The following GPHN variants were observed in gnomAD, a reference collection of about 807,000 sequenced individuals.
GPHN encodes gephyrin.
Under a neutral mutation model 95.5 loss-of-function variants are expected in GPHN, and 17 were observed. The observed-to-expected ratio is 0.18, with a 90% CI of 0.12 to 0.27. The LOEUF (loss-of-function observed/expected upper bound fraction) is 0.27, where lower values mean the gene tolerates loss of function less well. Among genes scored for constraint, GPHN ranks in the 10% least tolerant of loss-of-function variants. The pLI, the probability that GPHN is intolerant of heterozygous loss-of-function variation, is 1.00. For synonymous variants in GPHN, 320 were observed against 322.5 expected (o/e 0.99, Z 0.08); for missense variants, 660 against 978.1 (o/e 0.67, Z 4.34).
chr14:67,340,424 G>A, the GPHN span: 10 of 1,606,998 alleles, frequency 6.2e-6, no homozygotes, highest in Admixed American at 1.0e-4. Flanking sequence ...ATCAATAACT[G>A]CCAATTTCAA....
chr14:67,118,685 A>G (rs1475444067), intron 16 of GPHN, among the ~76,000 whole-genome samples: 4 of 151,926 alleles, frequency 2.6e-5, no homozygotes, highest in Admixed American at 6.6e-5. Context: ...CCGAGATCGC[A>G]TCACTGCACT....
the GPHN span, among the ~76,000 whole-genome samples, chr14:67,519,600 T>G: frequency 9.2e-5 from 14 of 152,106 alleles, no homozygotes; most frequent in Non-Finnish European, 2.1e-4. Flanking sequence ...AATAAGGGAC[T>G]GTTACTACAA....
intron 8 of GPHN, among the ~76,000 whole-genome samples, chr14:66,934,522 G>A (rs969405466): frequency 4.5e-4 from 69 of 152,262 alleles, no homozygotes; most frequent in Middle Eastern, 3.4e-3. Context: ...CCTAGCCACA[G>A]TCATTAGTTA....
intron 4 of GPHN, among the ~76,000 whole-genome samples, chr14:66,834,296 A>G (rs1020369097): frequency 6.6e-6 from 1 of 152,182 alleles, no homozygotes; most frequent in East Asian, 1.9e-4. Flanking sequence ...TTTTTTATGC[A>G]TGAAAAAAGA....
the GPHN span, among the ~76,000 whole-genome samples, chr14:67,702,403 C>A: frequency 1.1e-4 from 16 of 152,086 alleles, no homozygotes; most frequent in African/African-American, 3.9e-4. Context: ...AGCTGTATTT[C>A]TTAAACCAAC....
At chr14:67,554,955 C>T in the GPHN span, among the ~76,000 whole-genome samples, 1 of 152,194 alleles carries the variant, frequency 6.6e-6, no homozygotes, top group Admixed American at 6.5e-5. Context: ...CTGTGTCACC[C>T]AGGCTGGAGT....
the GPHN span, among the ~76,000 whole-genome samples, chr14:67,535,528 T>C: frequency 6.6e-6 from 1 of 151,890 alleles, no homozygotes; most frequent in African/African-American, 2.4e-5. Flanking sequence ...TTAACAGGCA[T>C]GCGCCACCAC....
the GPHN span, among the ~76,000 whole-genome samples, chr14:67,549,052 T>G: frequency 1.3e-5 from 2 of 152,212 alleles, no homozygotes; most frequent in African/African-American, 4.8e-5. Context: ...CAGAAAAACA[T>G]ATCCTAAAAT....
rs574919729 is a variant in GPHN at position 66,720,303 on chromosome 14, CA to C, written c.143+39119del. On this transcript the variant is annotated intron_variant, in intron 2 of 22. Coordinates refer to ENST00000478722, the MANE Select transcript of GPHN (RefSeq NM_020806.5). ...GTGTGGCAGCTCACTCCTGTAATCC[CA>C]GCAAAATGAGAAGCTGAGATGGGCA... Among the ~76,000 whole-genome samples the C allele has an allele frequency of 2.4e-3, 365 of 152,258 alleles. 4 individuals are homozygous for C. The highest frequency in any genetic ancestry group is 8.3e-3 in the African/African-American group (344 of 41,544).
chr14:67,562,911 G>A, the GPHN span: 34 of 1,606,124 alleles, frequency 2.1e-5, no homozygotes, highest in South Asian at 1.4e-4. Flanking sequence ...GGCAACCTCC[G>A]GGCTGGGCAG....
the GPHN span, among the ~76,000 whole-genome samples, chr14:67,268,560 G>A: frequency 6.6e-6 from 1 of 152,212 alleles, no homozygotes; most frequent in African/African-American, 2.4e-5. Flanking sequence ...GCAATTCGCA[G>A]AACTGAGGGT....
At chr14:67,076,954 C>T (rs1595047640) in intron 11 of GPHN, among the ~76,000 whole-genome samples, 1 of 152,238 alleles carries the variant, frequency 6.6e-6, no homozygotes, top group Non-Finnish European at 1.5e-5. Flanking sequence ...TTCTAAAAAG[C>T]CTCTTAGAGC....
At chr14:67,212,606 T>TA in the GPHN span, among the ~76,000 whole-genome samples, 1 of 136,162 alleles carries the variant, frequency 7.3e-6, no homozygotes, top group African/African-American at 2.7e-5. Flanking sequence ...AAAATATATA[T>TA]ATATATATGT....
At chr14:67,149,120 G>A (rs1387346426) in intron 18 of GPHN, among the ~76,000 whole-genome samples, 1 of 151,734 alleles carries the variant, frequency 6.6e-6, no homozygotes, top group Non-Finnish European at 1.5e-5. Context: ...GAGGCGGGTG[G>A]ATCACCTGAG....
the GPHN span, among the ~76,000 whole-genome samples, chr14:67,604,130 T>A: frequency 6.6e-6 from 1 of 152,144 alleles, no homozygotes; most frequent in Non-Finnish European, 1.5e-5. Context: ...GTAGCTGGGA[T>A]TACAGGCGCA....
chr14:67,600,129 G>A, the GPHN span: 38 of 1,596,242 alleles, frequency 2.4e-5, no homozygotes, highest in South Asian at 4.0e-4. Flanking sequence ...ATTCCCGGCA[G>A]GACGGGGAGT....
chr14:67,107,619 A>G (rs917411563), intron 13 of GPHN, among the ~76,000 whole-genome samples: 4 of 152,154 alleles, frequency 2.6e-5, no homozygotes, highest in African/African-American at 9.7e-5. Context: ...CACAGTGGAT[A>G]AGGTACTGTG....
At chr14:67,070,771 C>G (rs2076269811) in intron 11 of GPHN, among the ~76,000 whole-genome samples, 2 of 146,464 alleles carry the variant, frequency 1.4e-5, no homozygotes, top group Non-Finnish European at 2.9e-5. Flanking sequence ...TGCTTTTTCC[C>G]CCAGTACTGT....
At chr14:66,809,893 T>A (rs1459632681) in intron 3 of GPHN, among the ~76,000 whole-genome samples, 1 of 152,106 alleles carries the variant, frequency 6.6e-6, no homozygotes, top group African/African-American at 2.4e-5. Context: ...TTATTTTTTT[T>A]AAAGCAGAAC....
Sources: gnomAD v4.1 joint callset for allele counts (sites outside exome capture counted in the v4.1 genomes callset) on GRCh38, gnomAD v4.1.1 for gene constraint, MANE v1.5 for transcripts, NCBI Gene and HGNC (gene_info 2026-07-23, HGNC 2026-07-21) for gene names.